The following FGD4 variants were observed in gnomAD, a reference collection of about 807,000 sequenced individuals.
FGD4 encodes FYVE, RhoGEF and PH domain-containing protein 4.
Under a neutral mutation model 102.0 loss-of-function variants are expected in FGD4, and 42 were observed. The ratio of observed to expected loss-of-function variants is 0.41; its 90% CI spans 0.32 to 0.53. The LOEUF (loss-of-function observed/expected upper bound fraction) is 0.53, where lower values mean the gene tolerates loss of function less well. FGD4 is among the 20% of genes least tolerant of loss of function. The probability of loss-of-function intolerance (pLI) is 0.21; values close to 1 mark genes in which losing one functional copy is unlikely to be tolerated. For missense variants in FGD4, 902 were observed against 1,078.2 expected, an observed-to-expected ratio of 0.84 and a Z score of 2.29; for synonymous variants, 380 against 375.7, an observed-to-expected ratio of 1.01 and a Z score of -0.13.
intron 1 of FGD4, among the ~76,000 whole-genome samples, chr12:32,519,713 A>ATCT (rs1278161681): frequency 6.6e-6 from 1 of 152,176 alleles, no homozygotes; most frequent in Non-Finnish European, 1.5e-5. Flanking sequence ...CAAGGCAGGC[A>ATCT]GATCACTTGA....
chr12:32,426,245 C>A (rs547217639), intron 1 of FGD4, among the ~76,000 whole-genome samples: 39 of 152,208 alleles, frequency 2.6e-4, no homozygotes, highest in African/African-American at 8.9e-4. Flanking sequence ...TCCATCAATA[C>A]CTAGTTTATT....
chr12:32,640,110 G>A (rs1433696641), intron 16 of FGD4, among the ~76,000 whole-genome samples, 166 bp from the exon 17 acceptor site: 2 of 152,136 alleles, frequency 1.3e-5, no homozygotes, highest in South Asian at 2.1e-4. Flanking sequence ...GTGGCCTCAC[G>A]TACAGGCTCT....
At chr12:32,601,484 T>TA in intron 6 of FGD4, 61 bp downstream of exon 6, 1 of 1,543,814 alleles carries the variant, frequency 6.5e-7, no homozygotes, top group South Asian at 1.2e-5. Context: ...TTTCAGCTTT[T>TA]AAATTGAAAT....
chr12:32,426,636 A>G (rs748573257), intron 1 of FGD4, among the ~76,000 whole-genome samples: 4 of 152,164 alleles, frequency 2.6e-5, no homozygotes, highest in Non-Finnish European at 5.9e-5. Context: ...TTCGGAAGGA[A>G]TGGTACCAGC....
rs78185240 is a variant in FGD4, at chr12:32,576,728, G to A, written c.503+279G>A. Among the ~76,000 whole-genome samples, 2,218 of 152,168 alleles carry A rather than the reference G, an allele frequency of 0.015. 102 individuals are homozygous for A. In the East Asian group the frequency reaches 0.16, roughly 11 times the overall value. On this transcript the variant is annotated intron_variant, in intron 3 of 16. Coordinates refer to ENST00000534526, the MANE Select transcript of FGD4 (RefSeq NM_001370298.3). ...CTGTGTGCTTTCTCTCGTTTCCTCT[G>A]TATCTCTGTGTGTCATTCTCTATGT...
intron 4 of FGD4, among the ~76,000 whole-genome samples, chr12:32,595,176 A>G (rs1947793928): frequency 6.6e-6 from 1 of 152,066 alleles, no homozygotes; most frequent in Non-Finnish European, 1.5e-5. Context: ...ATTACTATGC[A>G]TTTATGTTTA....
intron 1 of FGD4, among the ~76,000 whole-genome samples, chr12:32,554,127 T>C (rs995270619): frequency 1.3e-5 from 2 of 152,120 alleles, no homozygotes; most frequent in African/African-American, 4.8e-5. Flanking sequence ...ATTCAGTCAA[T>C]AACTGGGATT....
chr12:32,583,705 C>CT (rs1433492135), intron 4 of FGD4, among the ~76,000 whole-genome samples: 1 of 152,152 alleles, frequency 6.6e-6, no homozygotes, highest in Non-Finnish European at 1.5e-5. Context: ...CATATACTGA[C>CT]TCTGAAGCAG....
chr12:32,618,338 A>G (rs926396761), intron 10 of FGD4, among the ~76,000 whole-genome samples: 1 of 152,212 alleles, frequency 6.6e-6, no homozygotes, highest in African/African-American at 2.4e-5. Context: ...TCAACCAAAT[A>G]TCCTCCTGAG....
chr12:32,452,367 TG>T (rs1410337624), intron 1 of FGD4, among the ~76,000 whole-genome samples: 1 of 152,234 alleles, frequency 6.6e-6, no homozygotes, highest in African/African-American at 2.4e-5. Flanking sequence ...CAGCCATCAG[TG>T]GGCAGATAAC....
At chr12:32,518,920 G>T (rs1282915438) in intron 1 of FGD4, among the ~76,000 whole-genome samples, 1 of 151,830 alleles carries the variant, frequency 6.6e-6, no homozygotes, top group Non-Finnish European at 1.5e-5. Flanking sequence ...GTCGACACCA[G>T]CCTGACCAAC....
At chr12:32,464,557 T>G (rs150045597) in intron 1 of FGD4, among the ~76,000 whole-genome samples, 2 of 152,210 alleles carry the variant, frequency 1.3e-5, no homozygotes, top group Non-Finnish European at 2.9e-5. Context: ...TAGTATATGC[T>G]CATTGAAAGG....
At position 32,422,448 on chromosome 12, in the gene FGD4, G is replaced by A. The variant is rs578244331; in HGVS notation, c.166+22489G>A. On this transcript the variant is annotated intron_variant, in intron 1 of 16. Transcript: ENST00000534526. ...CAAGTAGCTGGGACTACAGGCGCCC[G>A]CCACCATGCCTGGCTAATTTTTTGT... Among the ~76,000 whole-genome samples, 1,123 of 150,720 alleles carry A rather than the reference G, an allele frequency of 7.5e-3. 15 individuals are homozygous for A. The highest frequency in any genetic ancestry group is 0.026 in the African/African-American group (1,080 of 41,146).
At chr12:32,538,003 C>T (rs2136108837) in intron 1 of FGD4, among the ~76,000 whole-genome samples, 1 of 152,300 alleles carries the variant, frequency 6.6e-6, no homozygotes, top group Middle Eastern at 3.4e-3. Flanking sequence ...TGAAACGATC[C>T]TCCCACCTCA....
At chr12:32,606,463 A>AT (rs11406211) in intron 7 of FGD4, among the ~76,000 whole-genome samples, 53,541 of 143,514 alleles carry the variant, frequency 0.37, 11,562 homozygotes, top group African/African-American at 0.61. Context: ...TCCTCTACTT[A>AT]TTTTTTTTTT....
chr12:32,561,580 C>T (rs1162269474), intron 1 of FGD4, among the ~76,000 whole-genome samples: 1 of 152,070 alleles, frequency 6.6e-6, no homozygotes, highest in Non-Finnish European at 1.5e-5. Context: ...GTTTCTTAAC[C>T]AAATGATAAT....
chr12:32,564,020 A>C (rs1460976626), intron 1 of FGD4, 117 bp from the exon 2 acceptor site: 1 of 579,126 alleles, frequency 1.7e-6, no homozygotes, highest in Non-Finnish European at 2.4e-6. Context: ...GAAAGGGGAG[A>C]GGGAGAGGGA....
intron 1 of FGD4, among the ~76,000 whole-genome samples, chr12:32,412,899 A>ATTTGTT (rs1941263215): frequency 2.3e-5 from 2 of 87,020 alleles, no homozygotes; most frequent in African/African-American, 5.5e-5. Context: ...TTTTCTAGAA[A>ATTTGTT]TTTTTTTTTT....
intron 1 of FGD4, among the ~76,000 whole-genome samples, chr12:32,452,072 T>C (rs377440794): frequency 1.3e-5 from 2 of 152,302 alleles, no homozygotes; most frequent in Admixed American, 6.5e-5. Context: ...AACAATTGTT[T>C]AATGACTCCC....
Sources: allele counts gnomAD v4.1 joint callset (sites outside exome capture counted in the v4.1 genomes callset), GRCh38; gene constraint gnomAD v4.1.1; transcripts MANE v1.5; gene names NCBI Gene and HGNC (gene_info 2026-07-23, HGNC 2026-07-21).